Variants in ABCB7 observed in about 807,000 individuals in gnomAD.
The protein encoded by ABCB7 is iron-sulfur clusters transporter ABCB7, mitochondrial.
A neutral mutation model predicts 54.4 loss-of-function variants in ABCB7; 7 were observed. The ratio of observed to expected loss-of-function variants is 0.13; its 90% CI spans 0.07 to 0.24. The LOEUF is 0.24. Among genes scored for constraint, ABCB7 ranks in the 10% least tolerant of loss-of-function variants. The pLI is 1.00. For missense variants in ABCB7, 356 were observed against 570.4 expected (o/e 0.62, Z 3.83); for synonymous variants, 218 against 207.1 (o/e 1.05, Z -0.45).
intron 3 of ABCB7, among the ~76,000 whole-genome samples, chrX:75,104,116 G>A (rs1285413276): frequency 1.4e-5 from 1 of 70,065 alleles, no homozygotes; most frequent in East Asian, 4.9e-4. Flanking sequence ...TCCCTATTCG[G>A]TATGTTGTTA....
Position 75,060,035 on chromosome X carries a change from G to A in ABCB7, c.2043+188C>T, listed in dbSNP as rs1403448909. ...TTTGCTTATAATACTTTAATAAAGA[G>A]TGAGTTAATATACTTTATTCCTTCT... is the stretch of plus-strand genomic sequence containing the variant. On this transcript the variant is annotated intron_variant, in intron 15 of 15. Coordinates refer to ENST00000373394, the MANE Select transcript of ABCB7 (RefSeq NM_001271696.3). 2.7e-5 allele frequency among the ~76,000 whole-genome samples: 3 copies of A among 112,044 alleles called. No homozygotes were observed. In the Admixed American group the frequency reaches 2.9e-4, roughly 11 times the overall value.
chrX:75,146,143 G>A (rs766398745), intron 1 of ABCB7, among the ~76,000 whole-genome samples: 5 of 110,214 alleles, frequency 4.5e-5, no homozygotes, highest in African/African-American at 6.6e-5. Flanking sequence ...ACTACAAACC[G>A]CTAATCAAAG....
chrX:75,097,791 T>C (rs896189243), intron 4 of ABCB7, among the ~76,000 whole-genome samples: 11 of 111,889 alleles, frequency 9.8e-5, no homozygotes, highest in Non-Finnish European at 2.1e-4. Flanking sequence ...TTATTTTTAA[T>C]ACTTGTATTT....
chrX:75,126,509 G>A (rs2081929663), intron 1 of ABCB7, among the ~76,000 whole-genome samples: 1 of 109,974 alleles, frequency 9.1e-6, no homozygotes, highest in South Asian at 3.9e-4. Flanking sequence ...AGAAGCAAGA[G>A]CAAACAAATT....
chrX:75,065,383 C>T (rs185744573), intron 12 of ABCB7, 142 bp from the exon 13 acceptor site: 63 of 555,637 alleles, frequency 1.1e-4, no homozygotes, highest in Non-Finnish European at 8.4e-6. Flanking sequence ...CCCTCATCTG[C>T]AAAATCCCAT....
chrX:75,149,407 T>C (rs1474783293), intron 1 of ABCB7, among the ~76,000 whole-genome samples: 1 of 112,044 alleles, frequency 8.9e-6, no homozygotes, highest in East Asian at 2.8e-4. Context: ...GTGATGCTAC[T>C]CCACCACGGT....
intron 4 of ABCB7, among the ~76,000 whole-genome samples, chrX:75,085,746 A>G (rs2081491920): frequency 8.9e-6 from 1 of 111,739 alleles, no homozygotes; most frequent in Non-Finnish European, 1.9e-5. Flanking sequence ...TTTAAAAATT[A>G]AGAAACTGGT....
intron 4 of ABCB7, among the ~76,000 whole-genome samples, chrX:75,079,363 A>T (rs1465986001): frequency 1.8e-5 from 2 of 112,485 alleles, no homozygotes; most frequent in Non-Finnish European, 1.9e-5. Context: ...TGTTTTTATT[A>T]ACATGTAGTG....
intron 4 of ABCB7, among the ~76,000 whole-genome samples, chrX:75,082,267 C>A (rs771037287): frequency 3.8e-4 from 42 of 111,610 alleles, no homozygotes; most frequent in African/African-American, 1.4e-3. Flanking sequence ...TCCACAGAGG[C>A]CAGCAGTAAG....
chrX:75,078,782 A>G (rs2081432196), intron 4 of ABCB7, among the ~76,000 whole-genome samples: 1 of 112,098 alleles, frequency 8.9e-6, no homozygotes, highest in South Asian at 3.8e-4. Flanking sequence ...TTAGCAGCTT[A>G]TAAGGCAGGG....
chrX:75,069,860 T>TTTTA (rs58703477), intron 10 of ABCB7, among the ~76,000 whole-genome samples: 3,524 of 110,201 alleles, frequency 0.032, 142 homozygotes, highest in African/African-American at 0.1. Flanking sequence ...CATTGTAAGA[T>TTTTA]TTTATTTATT....
At chrX:75,155,611 A>G (rs2082168219) in intron 1 of ABCB7, among the ~76,000 whole-genome samples, 3 of 111,579 alleles carry the variant, frequency 2.7e-5, no homozygotes, top group African/African-American at 9.8e-5. Flanking sequence ...GTTTTGGCCT[A>G]TCAAGAAGCA....
At chrX:75,140,308 G>A (rs1429981510) in intron 1 of ABCB7, among the ~76,000 whole-genome samples, 1 of 110,727 alleles carries the variant, frequency 9.0e-6, no homozygotes, top group Non-Finnish European at 1.9e-5. Context: ...GTGCATGCCT[G>A]TAGTTCAACT....
At position 75,052,800 on chromosome X, in the gene ABCB7, CA is replaced by C. The variant is rs1277577574; in HGVS notation, c.*569del. 11 of 90,278 alleles carry C rather than the reference CA, an allele frequency of 1.2e-4. No individual in the cohort carries two copies. Among genetic ancestry groups the C allele is most frequent in the African/African-American group, 6.3e-4 (11 of 17,454 alleles). 7.4% of individuals were successfully genotyped at this position (90,278 alleles called of 1,213,427 possible). A position where few individuals can be genotyped will look rare whatever the true frequency, so the allele number is the denominator to read the frequency against. ...CTCAAAAAAAAAAAACAACAAAAAA[CA>C]AAAAACAACAAAACAAAAAAGAAAA... On this transcript the variant is annotated 3_prime_UTR_variant, in exon 16 of 16. Coordinates refer to ENST00000373394, the MANE Select transcript of ABCB7 (RefSeq NM_001271696.3).
chrX:75,119,090 C>T (rs1377907963), intron 1 of ABCB7, among the ~76,000 whole-genome samples: 2 of 111,535 alleles, frequency 1.8e-5, no homozygotes, highest in African/African-American at 6.5e-5. Context: ...TTAATAATAA[C>T]AAAAGTTTAG....
chrX:75,115,257 ACT>A (rs1330199945), intron 1 of ABCB7, among the ~76,000 whole-genome samples: 1 of 73,665 alleles, frequency 1.4e-5, no homozygotes, highest in African/African-American at 5.6e-5. Context: ...ACAGAGCGAG[ACT>A]CTGTCTCAAA....
chrX:75,110,571 C>G (rs2081750799), intron 3 of ABCB7, among the ~76,000 whole-genome samples: 1 of 111,989 alleles, frequency 8.9e-6, no homozygotes, highest in South Asian at 3.7e-4. Context: ...TGTGTCCAAT[C>G]AATAAGAATG....
At chrX:75,104,708 A>G (rs1412439913) in intron 3 of ABCB7, among the ~76,000 whole-genome samples, 1 of 111,302 alleles carries the variant, frequency 9.0e-6, no homozygotes, top group South Asian at 3.8e-4. Flanking sequence ...GGGCAGCATT[A>G]CCCTAAAACC....
chrX:75,111,457 CA>C (rs1480537100), intron 3 of ABCB7, among the ~76,000 whole-genome samples: 1 of 111,748 alleles, frequency 8.9e-6, no homozygotes, highest in Admixed American at 9.5e-5. Flanking sequence ...TCAAAATTAT[CA>C]TCTCCATTTT....
Sources: gnomAD v4.1 joint callset for allele counts (sites outside exome capture counted in the v4.1 genomes callset) on GRCh38, gnomAD v4.1.1 for gene constraint, MANE v1.5 for transcripts, NCBI Gene and HGNC (gene_info 2026-07-23, HGNC 2026-07-21) for gene names.